WDR19: variants seen among roughly 807,000 people sequenced by gnomAD.
The protein encoded by WDR19 is WD repeat-containing protein 19.
A neutral mutation model predicts 180.0 loss-of-function variants in WDR19; 121 were observed. That is an observed-to-expected ratio of 0.67 (90% CI 0.58 to 0.78). The LOEUF is 0.78. WDR19 is among the 30% of genes least tolerant of loss of function. WDR19 has a pLI of 0.00. For missense variants in WDR19, 1,450 were observed against 1,640.7 expected, an observed-to-expected ratio of 0.88 and a Z score of 2.01; for synonymous variants, 497 against 540.7, an observed-to-expected ratio of 0.92 and a Z score of 1.12.
chr4:39,264,028 A>G (rs1319484545), intron 28 of WDR19, among the ~76,000 whole-genome samples: 6 of 151,954 alleles, frequency 3.9e-5, no homozygotes, highest in Non-Finnish European at 8.8e-5. Context: ...CTTCTCTGAA[A>G]TTTAAATTTA....
chr4:39,198,112 G>T (rs1178790113), intron 5 of WDR19, among the ~76,000 whole-genome samples: 1 of 152,036 alleles, frequency 6.6e-6, no homozygotes, highest in Non-Finnish European at 1.5e-5. Context: ...CAAAGTGCTG[G>T]GATTATAGGC....
At chr4:39,280,106 T>C (rs958369053) in intron 36 of WDR19, among the ~76,000 whole-genome samples, 16 of 142,132 alleles carry the variant, frequency 1.1e-4, no homozygotes, top group African/African-American at 4.0e-4. Context: ...TGTGGGTTTT[T>C]TTCCCTTTTC....
In WDR19 at chr4:39,214,682, T is replaced by G. The variant is rs1728877090; in HGVS notation, c.961+11T>G. The stretch of plus-strand genomic sequence containing the variant: ...ATGAGGAAAATAAAGGTATTGATTT[T>G]TCTGAAGCAGATTGACATTTTATCA... On this transcript the variant is annotated intron_variant, in intron 10 of 36. Coordinates refer to ENST00000399820, the MANE Select transcript of WDR19 (RefSeq NM_025132.4). 6.6e-7 allele frequency: 1 copy of G among 1,522,694 alleles called. No homozygotes were observed. The highest frequency in any genetic ancestry group is 9.1e-7 in the Non-Finnish European group (1 of 1,103,040). 94.3% of individuals were successfully genotyped at this position (1,522,694 alleles called of 1,614,324 possible).
intron 6 of WDR19, among the ~76,000 whole-genome samples, chr4:39,200,303 C>T (rs1387581322): frequency 6.6e-6 from 1 of 152,160 alleles, no homozygotes; most frequent in Non-Finnish European, 1.5e-5. Flanking sequence ...AACCATTAAT[C>T]AAAATGTAGA....
At chr4:39,197,087 A>G (rs918628790) in intron 5 of WDR19, among the ~76,000 whole-genome samples, 1 of 152,134 alleles carries the variant, frequency 6.6e-6, no homozygotes, top group African/African-American at 2.4e-5. Flanking sequence ...CCTCAACCCT[A>G]TGAGAGGTCC....
chr4:39,245,542 A>T (rs1397410688), intron 24 of WDR19, 90 bp downstream of exon 24: 1 of 1,337,528 alleles, frequency 7.5e-7, no homozygotes, highest in African/African-American at 1.5e-5. Flanking sequence ...TAAGAAAGGC[A>T]AACCAGAGAA....
chr4:39,219,990 G>A (rs901024377), intron 14 of WDR19, among the ~76,000 whole-genome samples: 3 of 152,024 alleles, frequency 2.0e-5, no homozygotes, highest in Non-Finnish European at 2.9e-5. Context: ...AGGCCGAGGC[G>A]GGTGGATTGC....
chr4:39,260,826 A>G (rs535086138), intron 28 of WDR19, among the ~76,000 whole-genome samples: 6 of 152,180 alleles, frequency 3.9e-5, no homozygotes, highest in Non-Finnish European at 7.3e-5. Context: ...CTGTACATGT[A>G]TGCAAGGAGA....
intron 21 of WDR19, among the ~76,000 whole-genome samples, chr4:39,242,263 T>A (rs1577970560): frequency 1.3e-5 from 2 of 151,968 alleles, no homozygotes; most frequent in South Asian, 4.1e-4. Flanking sequence ...TTAAAAATTT[T>A]TATTTTTATG....
chr4:39,218,075 A>G lies in WDR19; in HGVS notation c.1449A>G (p.Leu483=). The G allele has an allele frequency of 6.2e-7, 1 of 1,613,906 alleles. No homozygotes were observed. Among genetic ancestry groups the G allele is most frequent in the Non-Finnish European group, 8.5e-7 (1 of 1,179,818 alleles). The change falls in exon 14 of 37, where the codon TTA becomes TTG. Residue 483 remains leucine (L), a synonymous_variant. Transcript: ENST00000399820. ...DDKCRILCHA[L]TSDFLIYGTD... is the part of the protein sequence containing the mutation. ...AGTGCCGTATCTTATGCCATGCCTT[A>G]ACTAGTGATTTCCTCATCTATGGTA...
At chr4:39,218,826 A>C (rs1729359863) in intron 14 of WDR19, 1 of 152,218 alleles carries the variant, frequency 6.6e-6, no homozygotes, top group Non-Finnish European at 1.5e-5. Context: ...TTTTCTTAAA[A>C]AATATTTTAT....
chr4:39,209,241 A>G (rs941191343), intron 9 of WDR19, among the ~76,000 whole-genome samples: 2 of 152,218 alleles, frequency 1.3e-5, no homozygotes, highest in Non-Finnish European at 2.9e-5. Flanking sequence ...CATATTTCTA[A>G]ATAATTCATG....
At chr4:39,206,610 A>G (rs538078643) in intron 9 of WDR19, among the ~76,000 whole-genome samples, 3 of 152,184 alleles carry the variant, frequency 2.0e-5, no homozygotes, top group Non-Finnish European at 4.4e-5. Context: ...ATAGGGAGGA[A>G]GGAACTCAGG....
intron 5 of WDR19, among the ~76,000 whole-genome samples, chr4:39,195,666 G>T (rs1021727940): frequency 2.6e-5 from 4 of 152,150 alleles, no homozygotes; most frequent in African/African-American, 9.7e-5. Flanking sequence ...GTGATGAATG[G>T]TAGAACCTAG....
At chr4:39,204,017 T>G (rs1727643868) in intron 7 of WDR19, among the ~76,000 whole-genome samples, 1 of 152,138 alleles carries the variant, frequency 6.6e-6, no homozygotes, top group African/African-American at 2.4e-5. Context: ...AATTCATATA[T>G]TATTTTTAAA....
rs1446393665 is a variant in WDR19, at chr4:39,205,595, C to G, written c.749C>G (p.Ser250Ter). ...YGDGRIMIGF[S>*]CGHFVVISTH... ...GATGGCCGCATCATGATTGGTTTTT[C>G]ATGTGGACATTTTGTGGTCATTTCT... The change falls in exon 9 of 37, where the codon TCA becomes TGA. Residue 250 changes from serine (S) to a stop codon, truncating the protein, a stop_gained. Transcript: ENST00000399820. LOFTEE classifies it high-confidence loss of function. 4.3e-6 allele frequency: 7 copies of G among 1,613,342 alleles called. No individual in the cohort carries two copies. Among genetic ancestry groups the G allele is most frequent in the Non-Finnish European group, 5.9e-6 (7 of 1,179,654 alleles).
At position 39,224,999 on chromosome 4, in the gene WDR19, T is replaced by A; in HGVS notation, c.1595T>A (p.Ile532Asn). ...CCAAATGGGACCAGATTAGTTTTCA[T>A]TGATGAAAAAAGTGATGGATTTGTT... is the stretch of plus-strand genomic sequence containing the variant. The part of the protein sequence containing the change: ...PDPNGTRLVF[I>N]DEKSDGFVYC... Residue 532 changes from isoleucine to asparagine, a missense_variant, in exon 15 of 37, where the codon ATT (isoleucine) becomes AAT (asparagine). Ile to Asn is a moderately radical substitution (Grantham distance 149, BLOSUM62 -3). Coordinates refer to ENST00000399820, the MANE Select transcript of WDR19 (RefSeq NM_025132.4). 6.4e-7 allele frequency: 1 copy of A among 1,568,010 alleles called. No homozygotes were observed. The highest frequency in any genetic ancestry group is 2.3e-5 in the East Asian group (1 of 43,818).
At chr4:39,272,794 G>A (rs1363272362) in intron 31 of WDR19, among the ~76,000 whole-genome samples, 186 bp from the exon 32 acceptor site, 1 of 152,182 alleles carries the variant, frequency 6.6e-6, no homozygotes, top group Non-Finnish European at 1.5e-5. Context: ...TGAGGCCATG[G>A]GGCCAGGCAG....
At position 39,183,250 on chromosome 4, in the gene WDR19, C is replaced by CTT. The variant is rs113490249; in HGVS notation, c.6+706_6+707dup. Among the ~76,000 whole-genome samples, 25 of 79,248 alleles carry CTT rather than the reference C, an allele frequency of 3.2e-4. 3 individuals carry two copies. The highest frequency in any genetic ancestry group is 1.2e-3 in the African/African-American group (24 of 20,074). 52.0% of individuals were successfully genotyped at this position (79,248 alleles called of 152,430 possible). A position where few individuals can be genotyped will look rare whatever the true frequency, so the allele number is the denominator to read the frequency against. On this transcript the variant is annotated intron_variant, in intron 1 of 36. Coordinates refer to ENST00000399820, the MANE Select transcript of WDR19 (RefSeq NM_025132.4). ...TCTGCTCTGGCAAAGAAATGGAAGG[C>CTT]TTTTTTTTTTTTTTTTTTTTACTGA... is the stretch of plus-strand genomic sequence containing the variant.
Sources: gnomAD v4.1 joint callset for allele counts (sites outside exome capture counted in the v4.1 genomes callset) on GRCh38, gnomAD v4.1.1 for gene constraint, MANE v1.5 for transcripts, NCBI Gene and HGNC (gene_info 2026-07-23, HGNC 2026-07-21) for gene names.